DPP6: variants seen among roughly 807,000 people sequenced by gnomAD.
The protein encoded by DPP6 is A-type potassium channel modulatory protein DPP6.
In DPP6, 69 loss-of-function variants were observed where a neutral mutation model predicts 122.6. The observed-to-expected ratio is 0.56, with a 90% CI of 0.46 to 0.69. The LOEUF is 0.69. DPP6 is among the 30% of genes least tolerant of loss of function. The pLI, the probability that DPP6 is intolerant of heterozygous loss-of-function variation, is 0.00. For synonymous variants in DPP6, 418 were observed against 433.1 expected (o/e 0.97, Z 0.43); for missense variants, 928 against 1,116.9 (o/e 0.83, Z 2.41).
intron 1 of DPP6, among the ~76,000 whole-genome samples, chr7:154,434,705 A>T (rs1818714132): frequency 6.6e-6 from 1 of 151,692 alleles, no homozygotes; most frequent in African/African-American, 2.4e-5. Context: ...TGAATTAATG[A>T]CTCTCTAGAC....
intron 2 of DPP6, 129 bp from the exon 3 acceptor site, chr7:154,474,810 C>A: frequency 1.5e-6 from 1 of 649,864 alleles, no homozygotes; most frequent in Non-Finnish European, 2.6e-6. Context: ...GCTTTTATCC[C>A]CATTCACTTA....
At chr7:154,299,790 T>G (rs935127636) in intron 1 of DPP6, among the ~76,000 whole-genome samples, 1 of 152,152 alleles carries the variant, frequency 6.6e-6, no homozygotes, top group African/African-American at 2.4e-5. Context: ...GATAAACACT[T>G]GCTGATTAAA....
intron 16 of DPP6, among the ~76,000 whole-genome samples, chr7:154,837,369 C>T (rs1371555248): frequency 6.6e-6 from 1 of 152,180 alleles, no homozygotes. Context: ...TGCATACAGG[C>T]ACATTCACAC....
chr7:154,572,801 T>G (rs556585957), intron 5 of DPP6, among the ~76,000 whole-genome samples: 12 of 151,894 alleles, frequency 7.9e-5, no homozygotes, highest in Admixed American at 6.6e-4. Flanking sequence ...TCCCTCAGCC[T>G]CCCAAGTAGC....
intron 1 of DPP6, among the ~76,000 whole-genome samples, chr7:154,167,561 C>T (rs184493685): frequency 5.3e-5 from 8 of 152,340 alleles, no homozygotes; most frequent in Non-Finnish European, 7.3e-5. Context: ...TCTTTGCGTA[C>T]GCATTTTACA....
At chr7:153,950,185 A>G (rs1802143118) in intron 1 of DPP6, among the ~76,000 whole-genome samples, 1 of 152,174 alleles carries the variant, frequency 6.6e-6, no homozygotes, top group Admixed American at 6.5e-5. Flanking sequence ...GAAAGGTTTC[A>G]AGGGACAGGA....
At chr7:154,157,379 A>G (rs544578197) in intron 1 of DPP6, among the ~76,000 whole-genome samples, 1 of 152,364 alleles carries the variant, frequency 6.6e-6, no homozygotes, top group African/African-American at 2.4e-5. Flanking sequence ...GAGACTTCAG[A>G]GGAGGAACTC....
chr7:154,445,272 G>A (rs7782933), intron 1 of DPP6, among the ~76,000 whole-genome samples: 29,100 of 152,008 alleles, frequency 0.19, 3,928 homozygotes, highest in African/African-American at 0.39. Context: ...TGGTCCCTTT[G>A]CAGTGTGACC....
chr7:153,815,195 T>C, the DPP6 span, among the ~76,000 whole-genome samples: 7 of 152,148 alleles, frequency 4.6e-5, no homozygotes, highest in East Asian at 1.3e-3. Context: ...GACATGATCG[T>C]ATATCTAGAA....
chr7:154,882,943 C>T (rs1006224534), intron 21 of DPP6, among the ~76,000 whole-genome samples: 2 of 152,078 alleles, frequency 1.3e-5, no homozygotes, highest in Non-Finnish European at 2.9e-5. Context: ...CTGCGCTTCA[C>T]GGTCTCAGTC....
chr7:153,859,441 G>T, the DPP6 span, among the ~76,000 whole-genome samples: 1 of 152,192 alleles, frequency 6.6e-6, no homozygotes, highest in East Asian at 1.9e-4. Context: ...CATGAGACGT[G>T]GCTGTCTAGA....
intron 1 of DPP6, among the ~76,000 whole-genome samples, chr7:154,353,313 G>T (rs540416272): frequency 6.6e-6 from 1 of 152,276 alleles, no homozygotes; most frequent in East Asian, 1.9e-4. Context: ...GACTACAGTT[G>T]TTCTGAATCT....
chr7:154,303,147 A>G (rs967147776), intron 1 of DPP6, among the ~76,000 whole-genome samples: 1 of 152,124 alleles, frequency 6.6e-6, no homozygotes, highest in African/African-American at 2.4e-5. Flanking sequence ...ACGCCCAGCT[A>G]ATTGGGGTTT....
chr7:153,754,350 C>CT, the DPP6 span, among the ~76,000 whole-genome samples: 1 of 152,046 alleles, frequency 6.6e-6, no homozygotes, highest in Non-Finnish European at 1.5e-5. Flanking sequence ...ATTTTTACTT[C>CT]TTTTTCAGCA....
chr7:154,131,255 C>A (rs1474659243), intron 1 of DPP6, among the ~76,000 whole-genome samples: 1 of 152,208 alleles, frequency 6.6e-6, no homozygotes, highest in Admixed American at 6.5e-5. Context: ...CTCCACGGCT[C>A]CCAGAAGGGG....
chr7:153,931,554 T>C (rs1801170102), intron 1 of DPP6, among the ~76,000 whole-genome samples: 2 of 129,380 alleles, frequency 1.5e-5, no homozygotes, highest in African/African-American at 3.2e-5. Flanking sequence ...AAAAACTAGT[T>C]AAAGTATTTC....
chr7:154,100,969 C>T (rs547758794), intron 1 of DPP6, among the ~76,000 whole-genome samples: 5 of 140,152 alleles, frequency 3.6e-5, no homozygotes, highest in South Asian at 2.6e-4. Context: ...TCCCCGTGAC[C>T]GTGCAGCGTG....
At chr7:153,822,896 A>G in the DPP6 span, among the ~76,000 whole-genome samples, 1 of 152,212 alleles carries the variant, frequency 6.6e-6, no homozygotes, top group Non-Finnish European at 1.5e-5. Flanking sequence ...TATCACTTAA[A>G]TAACATCAGG....
rs975672190 is a variant in DPP6, at chr7:154,100,504, C to G, written c.243+47441C>G. Among the ~76,000 whole-genome samples the G allele has an allele frequency of 2.0e-4, 16 of 78,126 alleles. 1 individual carries two copies. The highest frequency in any genetic ancestry group is 2.0e-3 in the Admixed American group (14 of 7,006). 51.3% of individuals were successfully genotyped at this position (78,126 alleles called of 152,430 possible). On this transcript the variant is annotated intron_variant, in intron 1 of 25. Coordinates refer to ENST00000377770, the MANE Select transcript of DPP6 (RefSeq NM_130797.4). Reference sequence around the variant, plus strand: ...TCTCTTTCAGTGAGTGGAGCCTCCGCCGTCTCCCAGACCTATTGTTGCCTG... The same window carrying G: ...TCTCTTTCAGTGAGTGGAGCCTCCGGCGTCTCCCAGACCTATTGTTGCCTG...
Sources: gnomAD v4.1 joint callset for allele counts (sites outside exome capture counted in the v4.1 genomes callset) on GRCh38, gnomAD v4.1.1 for gene constraint, MANE v1.5 for transcripts, NCBI Gene and HGNC (gene_info 2026-07-23, HGNC 2026-07-21) for gene names.